L3MBTL4: variants seen among roughly 807,000 people sequenced by gnomAD.
L3MBTL4 encodes the protein lethal(3)malignant brain tumor-like protein 4.
Under a neutral mutation model 84.5 loss-of-function variants are expected in L3MBTL4, and 70 were observed. The ratio of observed to expected loss-of-function variants is 0.83; its 90% confidence interval spans 0.68 to 1.01. L3MBTL4 has a LOEUF of 1.01. Ranked by LOEUF, L3MBTL4 falls within the 50% of genes least tolerant of loss-of-function variation. The pLI is 0.00. For missense variants in L3MBTL4, 715 were observed against 754.8 expected (o/e 0.95, Z 0.62); for synonymous variants, 274 against 259.8 (o/e 1.05, Z -0.52).
intron 1 of L3MBTL4, among the ~76,000 whole-genome samples, chr18:6,357,984 C>T (rs1174827708): frequency 6.6e-6 from 1 of 152,158 alleles, no homozygotes; most frequent in Non-Finnish European, 1.5e-5. Context: ...TTGACCAAGC[C>T]TTGGACAGAT....
At chr18:6,252,075 G>A (rs1389517403) in intron 5 of L3MBTL4, among the ~76,000 whole-genome samples, 1 of 152,218 alleles carries the variant, frequency 6.6e-6, no homozygotes, top group Non-Finnish European at 1.5e-5. Flanking sequence ...ACTTTGGGAG[G>A]CCAAGGTGGG....
chr18:6,364,336 T>G (rs1908012055), intron 1 of L3MBTL4, among the ~76,000 whole-genome samples: 1 of 152,000 alleles, frequency 6.6e-6, no homozygotes, highest in African/African-American at 2.4e-5. Flanking sequence ...TCTTAATTTT[T>G]TCCATTATAA....
At chr18:6,167,317 A>T (rs1408499292) in intron 13 of L3MBTL4, among the ~76,000 whole-genome samples, 1 of 152,228 alleles carries the variant, frequency 6.6e-6, no homozygotes, top group South Asian at 2.1e-4. Context: ...ATCCTCCCTA[A>T]CTCATTTTAT....
At chr18:6,025,789 C>T (rs139359930) in intron 16 of L3MBTL4, among the ~76,000 whole-genome samples, 5,653 of 152,228 alleles carry the variant, frequency 0.037, 375 homozygotes, top group African/African-American at 0.13. Context: ...ATAGGGTTCA[C>T]GCTCCTATGA....
At chr18:6,264,614 T>C (rs569810506) in intron 4 of L3MBTL4, among the ~76,000 whole-genome samples, 1 of 152,200 alleles carries the variant, frequency 6.6e-6, no homozygotes, top group African/African-American at 2.4e-5. Flanking sequence ...TGAAACCCCG[T>C]CTCTACTAAA....
intron 10 of L3MBTL4, among the ~76,000 whole-genome samples, chr18:6,222,842 T>C (rs1195847035): frequency 6.6e-6 from 1 of 151,710 alleles, no homozygotes; most frequent in Non-Finnish European, 1.5e-5. Context: ...CTATAGAAAC[T>C]AGCACAGTTC....
chr18:6,215,680 T>C (rs2046294763), intron 11 of L3MBTL4, 70 bp downstream of exon 11: 1 of 728,492 alleles, frequency 1.4e-6, no homozygotes, highest in Admixed American at 3.0e-5. Flanking sequence ...AATTTTAAAC[T>C]GCCAAATGTA....
chr18:5,974,021 G>T (rs1598329456), intron 16 of L3MBTL4, among the ~76,000 whole-genome samples: 1 of 152,264 alleles, frequency 6.6e-6, no homozygotes, highest in Middle Eastern at 3.4e-3. Context: ...ACACCAATGT[G>T]ACAATAAATA....
At chr18:6,268,253 A>G (rs1320695329) in intron 4 of L3MBTL4, among the ~76,000 whole-genome samples, 1 of 152,202 alleles carries the variant, frequency 6.6e-6, no homozygotes, top group Admixed American at 6.5e-5. Context: ...TAAAAATACC[A>G]AAAATTAGCC....
chr18:6,031,096 G>A, intron 16 of L3MBTL4: 1 of 985,370 alleles, frequency 1.0e-6, no homozygotes, highest in Non-Finnish European at 1.2e-6. Context: ...GGAAGCTGGG[G>A]TTTGTGATCA....
rs563418861 is a variant in L3MBTL4 at position 6,078,455 on chromosome 18, A to C, written c.1444+2426T>G. ...AAAAAAAAACAAAAAAAAAAAAAAA[A>C]GGGGAAAAAAAGGAAGGACATGGGT... On this transcript the variant is annotated intron_variant, in intron 16 of 18. Transcript: ENST00000317931. 2.0e-5 allele frequency among the ~76,000 whole-genome samples: 3 copies of C among 148,872 alleles called. No individual in the cohort carries two copies. In the South Asian group the frequency reaches 6.4e-4, roughly 32 times the overall value.
chr18:6,352,798 T>C (rs1056475496), intron 1 of L3MBTL4, among the ~76,000 whole-genome samples: 4 of 152,226 alleles, frequency 2.6e-5, no homozygotes, highest in African/African-American at 9.6e-5. Context: ...GGAAATCTAG[T>C]TGGTAGCCTC....
chr18:6,080,252 T>C (rs774181803), intron 16 of L3MBTL4: 2 of 152,296 alleles, frequency 1.3e-5, no homozygotes, highest in Non-Finnish European at 2.9e-5. Flanking sequence ...CTGCCAAGGC[T>C]GCAGGTGGGC....
intron 12 of L3MBTL4, among the ~76,000 whole-genome samples, chr18:6,186,247 G>A (rs201741490): frequency 6.6e-6 from 1 of 151,994 alleles, no homozygotes; most frequent in Non-Finnish European, 1.5e-5. Flanking sequence ...TCACCATGTT[G>A]GCCAGGCTGG....
intron 5 of L3MBTL4, among the ~76,000 whole-genome samples, chr18:6,252,951 C>T (rs1301992546): frequency 6.6e-6 from 1 of 152,208 alleles, no homozygotes; most frequent in African/African-American, 2.4e-5. Context: ...CGCCTGTAAT[C>T]CCAGCACTTT....
intron 1 of L3MBTL4, among the ~76,000 whole-genome samples, chr18:6,403,765 G>T (rs2055607395): frequency 6.6e-6 from 1 of 152,144 alleles, no homozygotes; most frequent in African/African-American, 2.4e-5. Flanking sequence ...CAAAGGAAAA[G>T]AAGTCATTAT....
chr18:6,209,669 A>C (rs79154026), intron 12 of L3MBTL4, among the ~76,000 whole-genome samples: 3,877 of 152,312 alleles, frequency 0.025, 173 homozygotes, highest in African/African-American at 0.088. Flanking sequence ...AAATGAAAAC[A>C]TACGTCCACA....
chr18:6,038,938 C>T (rs1429353950), intron 16 of L3MBTL4, among the ~76,000 whole-genome samples: 1 of 151,820 alleles, frequency 6.6e-6, no homozygotes, highest in Non-Finnish European at 1.5e-5. Context: ...AAGGGTGGAT[C>T]CCTCATGATG....
intron 16 of L3MBTL4, among the ~76,000 whole-genome samples, chr18:6,037,454 T>A (rs2056193308): frequency 6.6e-6 from 1 of 152,166 alleles, no homozygotes; most frequent in Non-Finnish European, 1.5e-5. Context: ...AAGGGAGGAT[T>A]CCTAGTGATT....
Sources: gnomAD v4.1 joint callset for allele counts (sites outside exome capture counted in the v4.1 genomes callset) on GRCh38, gnomAD v4.1.1 for gene constraint, MANE v1.5 for transcripts, NCBI Gene and HGNC (gene_info 2026-07-23, HGNC 2026-07-21) for gene names.